Variants in PCDH15 observed in about 807,000 individuals in gnomAD.
The protein encoded by PCDH15 is protocadherin related 15.
In PCDH15, 129 loss-of-function variants were observed where a neutral mutation model predicts 178.5. The ratio of observed to expected loss-of-function variants is 0.72; its 90% CI spans 0.63 to 0.84. PCDH15 has a LOEUF of 0.84. PCDH15 is among the 40% of genes least tolerant of loss of function. The pLI is 0.00. For missense variants in PCDH15, 2,230 were observed against 2,099.9 expected (o/e 1.06, Z -1.21); for synonymous variants, 800 against 732.0 (o/e 1.09, Z -1.50).
At chr10:55,561,399 G>A (rs1842196162) in intron 2 of PCDH15, among the ~76,000 whole-genome samples, 1 of 151,768 alleles carries the variant, frequency 6.6e-6, no homozygotes, top group Non-Finnish European at 1.5e-5. Flanking sequence ...AGAATTAGCT[G>A]GAATAGCTAG....
chr10:55,341,778 T>C (rs1362750994), intron 2 of PCDH15, among the ~76,000 whole-genome samples: 2 of 10,250 alleles, frequency 2.0e-4, no homozygotes, highest in African/African-American at 8.7e-4. Context: ...TATATATATA[T>C]ATATATATAT....
At chr10:54,486,123 T>C (rs2079079938) in intron 3 of PCDH15, 1 of 152,006 alleles carries the variant, frequency 6.6e-6, no homozygotes. Flanking sequence ...CACATTGATA[T>C]AGTTACCATA....
At chr10:55,095,453 G>A (rs960767120) in intron 2 of PCDH15, among the ~76,000 whole-genome samples, 2 of 151,742 alleles carry the variant, frequency 1.3e-5, no homozygotes, top group African/African-American at 4.8e-5. Flanking sequence ...TTGTATTTGG[G>A]TTGTTACTTG....
chr10:55,013,227 A>T (rs1170131281), intron 2 of PCDH15, among the ~76,000 whole-genome samples: 1 of 152,164 alleles, frequency 6.6e-6, no homozygotes, highest in Non-Finnish European at 1.5e-5. Flanking sequence ...ATGAGATGAT[A>T]TGAAACTGCA....
rs1452487270 is a variant in PCDH15, at chr10:53,804,631, G to C, written c.*1948C>G. 1 of 151,916 alleles carries C rather than the reference G, an allele frequency of 6.6e-6. No homozygotes were observed. Among genetic ancestry groups the C allele is most frequent in the Admixed American group, 6.6e-5 (1 of 15,222 alleles). The allele number at this position is 151,916 out of a possible 1,614,324, so 9.4% of individuals were successfully genotyped here. A position where few individuals can be genotyped will look rare whatever the true frequency, so the allele number is the denominator to read the frequency against. Reference sequence around the variant, plus strand: ...AGCTGTATATAGAGAGAATATCAAGGGATGCTGACTGAGATGATCTGGGGG... The same window carrying C: ...AGCTGTATATAGAGAGAATATCAAGCGATGCTGACTGAGATGATCTGGGGG... On this transcript the variant is annotated 3_prime_UTR_variant, in exon 38 of 38. Coordinates refer to ENST00000644397, the MANE Select transcript of PCDH15 (RefSeq NM_001384140.1).
chr10:54,129,361 T>C (rs539536448), intron 15 of PCDH15, among the ~76,000 whole-genome samples: 1 of 152,318 alleles, frequency 6.6e-6, no homozygotes, highest in East Asian at 1.9e-4. Context: ...TCAAACTCTA[T>C]TGAACTAACC....
chr10:54,815,932 G>A (rs956726546), intron 3 of PCDH15, among the ~76,000 whole-genome samples: 1 of 151,968 alleles, frequency 6.6e-6, no homozygotes, highest in African/African-American at 2.4e-5. Flanking sequence ...CATATAACAT[G>A]CAAAGTATGT....
intron 3 of PCDH15, among the ~76,000 whole-genome samples, chr10:54,504,386 CT>C (rs755416033): frequency 6.6e-6 from 1 of 152,074 alleles, no homozygotes; most frequent in Non-Finnish European, 1.5e-5. Context: ...GTACTGATCA[CT>C]TCTCCAAGCT....
intron 2 of PCDH15, among the ~76,000 whole-genome samples, chr10:55,070,773 T>G (rs1248802633): frequency 6.6e-6 from 1 of 152,052 alleles, no homozygotes; most frequent in Non-Finnish European, 1.5e-5. Flanking sequence ...CTTTTTTGGT[T>G]CCATATGAAC....
chr10:54,265,510 A>G (rs1178108077), intron 8 of PCDH15, among the ~76,000 whole-genome samples: 1 of 151,892 alleles, frequency 6.6e-6, no homozygotes, highest in Non-Finnish European at 1.5e-5. Flanking sequence ...AGAATCATCC[A>G]TCTGCTGTCT....
intron 3 of PCDH15, among the ~76,000 whole-genome samples, chr10:54,497,602 T>G (rs1348147388): frequency 1.3e-5 from 2 of 152,072 alleles, no homozygotes; most frequent in African/African-American, 2.4e-5. Context: ...AGAACCAAAC[T>G]GAACCTCTGG....
intron 2 of PCDH15, among the ~76,000 whole-genome samples, chr10:54,946,522 G>A (rs1591800025): frequency 6.6e-6 from 1 of 151,704 alleles, no homozygotes. Flanking sequence ...CATACACAAT[G>A]TCTAAATAAT....
intron 1 of PCDH15, among the ~76,000 whole-genome samples, chr10:55,232,412 T>A (rs1184832658): frequency 6.6e-6 from 1 of 152,116 alleles, no homozygotes; most frequent in Non-Finnish European, 1.5e-5. Context: ...TAATATTGCA[T>A]ACAGAATAAT....
intron 2 of PCDH15, among the ~76,000 whole-genome samples, chr10:55,152,148 C>T (rs548840381): frequency 7.2e-5 from 11 of 151,954 alleles, no homozygotes; most frequent in African/African-American, 2.2e-4. Flanking sequence ...CAGATGGGTG[C>T]CAAAATTCAG....
At chr10:55,245,407 G>C (rs1050558106) in intron 1 of PCDH15, among the ~76,000 whole-genome samples, 2 of 152,012 alleles carry the variant, frequency 1.3e-5, no homozygotes, top group African/African-American at 4.8e-5. Context: ...TTATATTACT[G>C]TATTATTGTG....
intron 2 of PCDH15, among the ~76,000 whole-genome samples, chr10:55,390,483 A>T (rs1486076508): frequency 6.6e-6 from 1 of 152,162 alleles, no homozygotes. Context: ...CCAACAGTTG[A>T]ACTTCTTTCA....
intron 3 of PCDH15, among the ~76,000 whole-genome samples, chr10:54,502,594 T>C (rs1176759602): frequency 6.6e-6 from 1 of 152,162 alleles, no homozygotes; most frequent in African/African-American, 2.4e-5. Context: ...CCTAATATCA[T>C]GCATGACACA....
intron 1 of PCDH15, among the ~76,000 whole-genome samples, chr10:54,701,092 T>A (rs931387269): frequency 1.3e-5 from 2 of 152,084 alleles, no homozygotes; most frequent in Non-Finnish European, 2.9e-5. Flanking sequence ...GCTTCAGATT[T>A]CTTCCTACAT....
intron 3 of PCDH15, among the ~76,000 whole-genome samples, chr10:54,405,497 C>T (rs73251656): frequency 0.02 from 2,975 of 151,752 alleles, 103 homozygotes; most frequent in African/African-American, 0.066. Flanking sequence ...AACATGTGGA[C>T]ACATAGAGGG....
Sources: allele counts gnomAD v4.1 joint callset (sites outside exome capture counted in the v4.1 genomes callset), GRCh38; gene constraint gnomAD v4.1.1; transcripts MANE v1.5; gene names NCBI Gene and HGNC (gene_info 2026-07-23, HGNC 2026-07-21).